The following AAMP variants were observed in gnomAD, a reference collection of about 807,000 sequenced individuals.
AAMP encodes the protein angio associated migratory cell protein.
A neutral mutation model predicts 51.1 loss-of-function variants in AAMP; 12 were observed. That is an observed-to-expected ratio of 0.23 (90% CI 0.15 to 0.38). AAMP has a LOEUF of 0.38. Ranked by LOEUF, AAMP falls within the 10% of genes least tolerant of loss-of-function variation. AAMP has a pLI of 1.00. For synonymous variants in AAMP, 210 were observed against 218.7 expected (o/e 0.96, Z 0.35); for missense variants, 418 against 557.2 (o/e 0.75, Z 2.52).
Position 218,264,539 on chromosome 2 carries a change from G to C in AAMP, c.1299C>G (p.Asp433Glu). Residue 433 changes from aspartate (D) to glutamate (E), a missense_variant, in exon 11 of 11, where the codon GAC becomes GAG. Transcript: ENST00000248450. ...CAGGCAGGGGCTGCAGCCATTAACG[G>C]TCAGGCCTTTGGACACAAAATACTT... ...KAKVFCVQRPDR is the reference protein window; with the variant it reads ...KAKVFCVQRPER 1.2e-6 allele frequency: 2 copies of C among 1,614,052 alleles called. No individual in the cohort carries two copies. Among genetic ancestry groups the C allele is most frequent in the Non-Finnish European group, 1.7e-6 (2 of 1,179,922 alleles).
At chr2:218,264,848 C>T (rs1377138984) in intron 10 of AAMP, among the ~76,000 whole-genome samples, 172 bp downstream of exon 10, 1 of 152,180 alleles carries the variant, frequency 6.6e-6, no homozygotes, top group Non-Finnish European at 1.5e-5. Context: ...GACGTGGGGC[C>T]CCGGAGGGTC....
intron 10 of AAMP, 77 bp downstream of exon 10, chr2:218,264,943 A>G: frequency 6.3e-7 from 1 of 1,593,688 alleles, no homozygotes; most frequent in East Asian, 2.2e-5. Flanking sequence ...CCCACACCCC[A>G]AGGATCCTGT....
chr2:218,266,676 C>A lies in AAMP; in HGVS notation c.535-89G>T. ...ATGAGCTCCACCCAAGGTTTCCTGC[C>A]TCTGGGGTTCCGCGGGGACTTTCCA... is the stretch of plus-strand genomic sequence containing the variant. On this transcript the variant is annotated intron_variant, in intron 4 of 10. Coordinates refer to ENST00000248450, the MANE Select transcript of AAMP (RefSeq NM_001087.5). The surrounding 1 kb of genome is among the most constrained non-coding windows in gnomAD (Gnocchi z 4.7). 1 of 1,560,630 alleles carries A rather than the reference C, an allele frequency of 6.4e-7. No homozygotes were observed. Among genetic ancestry groups the A allele is most frequent in the East Asian group, 2.3e-5 (1 of 44,296 alleles).
Position 218,266,876 on chromosome 2 carries a change from C to A in AAMP, c.505G>T (p.Val169Phe), listed in dbSNP as rs997092266. 8 of 1,614,206 alleles carry A rather than the reference C, an allele frequency of 5.0e-6. No homozygotes were observed. Among genetic ancestry groups the A allele is most frequent in the Non-Finnish European group, 6.8e-6 (8 of 1,180,040 alleles). Residue 169 changes from valine (V) to phenylalanine (F), a missense_variant, in exon 4 of 11, where the codon GTC becomes TTC. Val to Phe is a conservative substitution (Grantham distance 50). Transcript: ENST00000248450. This position sits in a 1 kb window ranked among gnomAD's most constrained non-coding sequence, Gnocchi z 4.7. ...AGGTCTCCCGCTTCAAAGGACCAGA[C>A]CTCCTCCTTAGTGTCCACCTGCCAC... ...KVWQVDTKEE[V>F]WSFEAGDLEW...
At position 218,264,725 on chromosome 2, in the gene AAMP, G is replaced by C. The variant is rs1227836331; in HGVS notation, c.1230-117C>G. The C allele has an allele frequency of 3.2e-6, 3 of 943,304 alleles. No individual in the cohort carries two copies. The African/African-American group carries it at 4.9e-5, about 15-fold the overall frequency. 58.4% of individuals were successfully genotyped at this position (943,304 alleles called of 1,614,324 possible). On this transcript the variant is annotated intron_variant, in intron 10 of 10. Coordinates refer to ENST00000248450, the MANE Select transcript of AAMP (RefSeq NM_001087.5). ...TTCTAGGGCCCTAGTGCCTAGCACTGGGCCGACATCTCTGCAGCCAGCATG... is the reference window on the plus strand; with the variant it reads ...TTCTAGGGCCCTAGTGCCTAGCACTCGGCCGACATCTCTGCAGCCAGCATG...
chr2:218,264,956 C>T, intron 10 of AAMP, 64 bp downstream of exon 10: 1 of 1,603,362 alleles, frequency 6.2e-7, no homozygotes, highest in Non-Finnish European at 8.5e-7. Flanking sequence ...GATCCTGTGT[C>T]CCCTACATAC....
rs1381711177 is a variant in AAMP, at chr2:218,269,853, G to A, written c.121+113C>T. ...GTGGGAGTGGGGGAGGAGGGGAAGA[G>A]GGATATCGGTAGGAATGACCAGTCG... On this transcript the variant is annotated intron_variant, in intron 1 of 10. Transcript: ENST00000248450. The A allele has an allele frequency of 4.7e-6, 7 of 1,494,000 alleles. No homozygotes were observed. In the South Asian group the frequency reaches 8.6e-5, roughly 18 times the overall value. 92.5% of individuals were successfully genotyped at this position (1,494,000 alleles called of 1,614,324 possible). A position where few individuals can be genotyped will look rare whatever the true frequency, so the allele number is the denominator to read the frequency against.
chr2:218,267,034 G>A lies in AAMP; in HGVS notation c.395-48C>T, dbSNP rs1436957550. 2 of 1,603,716 alleles carry A rather than the reference G, an allele frequency of 1.2e-6. No homozygotes were observed. Among genetic ancestry groups the A allele is most frequent in the Non-Finnish European group, 1.7e-6 (2 of 1,172,664 alleles). ...AACAGAGGAAAAAAATAGGGTACCT[G>A]GTGCTGGGGGCATGTGATTCTGGTA... On this transcript the variant is annotated intron_variant, in intron 3 of 10. Coordinates refer to ENST00000248450, the MANE Select transcript of AAMP (RefSeq NM_001087.5). This position sits in a 1 kb window ranked among gnomAD's most constrained non-coding sequence, Gnocchi z 4.6.
chr2:218,270,125 G>A lies in AAMP; in HGVS notation c.-39C>T, dbSNP rs756060466. 48 of 1,609,186 alleles carry A rather than the reference G, an allele frequency of 3.0e-5. No homozygotes were observed. Among genetic ancestry groups the A allele is most frequent in the Non-Finnish European group, 3.9e-5 (46 of 1,177,392 alleles). ...CGGATCCACTTCTCTGGGCCCAAACGCCTCCCAGAGTCAGCTCTGCGCGAC... is the reference window on the plus strand; with the variant it reads ...CGGATCCACTTCTCTGGGCCCAAACACCTCCCAGAGTCAGCTCTGCGCGAC... On this transcript the variant is annotated 5_prime_UTR_variant, in exon 1 of 11. Coordinates refer to ENST00000248450, the MANE Select transcript of AAMP (RefSeq NM_001087.5).
rs764759872 is a variant in AAMP, at chr2:218,269,487, C to T, written c.169G>A (p.Glu57Lys). The T allele has an allele frequency of 1.2e-6, 2 of 1,614,246 alleles. No individual in the cohort carries two copies. Among genetic ancestry groups the T allele is most frequent in the Admixed American group, 1.7e-5 (1 of 60,024 alleles). Residue 57 changes from glutamate (E) to lysine (K), a missense_variant, in exon 2 of 11, where the codon GAG (glutamate) becomes AAG (lysine). By Grantham distance (56) the Glu-to-Lys change is moderately conservative. Coordinates refer to ENST00000248450, the MANE Select transcript of AAMP (RefSeq NM_001087.5). ...MEDVDFEEEE[E>K]EEGNEEGWVL... ...CAGCCCTCTTCGTTGCCCTCTTCCT[C>T]CTCTTCTTCCTCAAAGTCCACATCT...
chr2:218,264,729 C>T (rs968985302), intron 10 of AAMP, 121 bp from the exon 11 acceptor site: 36 of 925,026 alleles, frequency 3.9e-5, no homozygotes, highest in Admixed American at 1.3e-4. Flanking sequence ...AGCACTGGGC[C>T]GACATCTCTG....
chr2:218,265,581 A>T lies in AAMP; in HGVS notation c.981T>A (p.Ser327Arg). The T allele has an allele frequency of 6.2e-7, 1 of 1,613,024 alleles. No individual in the cohort carries two copies. The highest frequency in any genetic ancestry group is 8.5e-7 in the Non-Finnish European group (1 of 1,179,540). Residue 327 changes from serine (S) to arginine (R), a missense_variant and splice_region_variant, in exon 8 of 11, where the codon AGT becomes AGA. Transcript: ENST00000248450. The surrounding 1 kb of genome is among the most constrained non-coding windows in gnomAD (Gnocchi z 6.6). ...SNSVESLGFC[S>R]VMPLAAVGYL... ...CCCCTTTCCCCATCCTCACTCACAC[A>T]CTGCAGAAGCCCAAGGACTCCACCG...
chr2:218,269,392 T>A lies in AAMP; in HGVS notation c.264A>T (p.Ala88=). The change falls in exon 2 of 11, where the codon GCA becomes GCT. Residue 88 remains alanine (A), a synonymous_variant. Transcript: ENST00000248450. ...EGPDDSEVTF[A]LHSASVFCVS... ...GCCTCAAAGACCTACCTGAGTGCAA[T>A]GCAAAGGTGACCTCGCTATCGTCGG... 2 of 1,614,052 alleles carry A rather than the reference T, an allele frequency of 1.2e-6. No homozygotes were observed. The highest frequency in any genetic ancestry group is 1.7e-6 in the Non-Finnish European group (2 of 1,180,036).
intron 1 of AAMP, 141 bp from the exon 2 acceptor site, chr2:218,269,675 G>A: frequency 1.4e-6 from 2 of 1,424,508 alleles, no homozygotes; most frequent in Non-Finnish European, 1.9e-6. Context: ...CCGCGGGGGC[G>A]CGCGGGACAC....
In AAMP at chr2:218,265,064, G is replaced by T; in HGVS notation, c.1185C>A (p.Asp395Glu). ...WDARTGRLLT[D>E]YRGHTAEILD... ...GGATCTCAGCCGTGTGGCCCCGGTA[G>T]TCAGTAAGCAGGCGGCCGGTCCGGG... Residue 395 changes from aspartate (D) to glutamate (E), a missense_variant, in exon 10 of 11, where the codon GAC becomes GAA. Coordinates refer to ENST00000248450, the MANE Select transcript of AAMP (RefSeq NM_001087.5). This position sits in a 1 kb window ranked among gnomAD's most constrained non-coding sequence, Gnocchi z 6.6. 6.2e-7 allele frequency: 1 copy of T among 1,613,870 alleles called. No individual in the cohort carries two copies.
chr2:218,269,763 G>T, intron 1 of AAMP: 1 of 1,004,266 alleles, frequency 1.0e-6, no homozygotes, highest in Non-Finnish European at 1.5e-6. Context: ...GGTGTGTGAG[G>T]GGAAGGGCCA....
At position 218,266,216 on chromosome 2, in the gene AAMP, G is replaced by A. The variant is rs1176367806; in HGVS notation, c.680-69C>T. Reference sequence around the variant, plus strand: ...CATACACTAAGCAAGGGAATGGGGAGAGGGAGAGGAAAGAAGAGTGGAAGG... The same window carrying A: ...CATACACTAAGCAAGGGAATGGGGAAAGGGAGAGGAAAGAAGAGTGGAAGG... On this transcript the variant is annotated intron_variant, in intron 5 of 10. Transcript: ENST00000248450. The surrounding 1 kb of genome is among the most constrained non-coding windows in gnomAD (Gnocchi z 4.7). 2 of 1,473,838 alleles carry A rather than the reference G, an allele frequency of 1.4e-6. No homozygotes were observed. The highest frequency in any genetic ancestry group is 1.7e-5 in the Admixed American group (1 of 59,244). 91.3% of individuals were successfully genotyped at this position (1,473,838 alleles called of 1,614,324 possible).
At chr2:218,264,643 G>A in intron 10 of AAMP, 35 bp from the exon 11 acceptor site, 1 of 1,602,102 alleles carries the variant, frequency 6.2e-7, no homozygotes. Context: ...CAGAGACTGG[G>A]GGACCCAAGC....
rs878941802 is a variant in AAMP, at chr2:218,264,428, C to G, written c.*105G>C. 2.7e-6 allele frequency: 3 copies of G among 1,120,562 alleles called. No individual in the cohort carries two copies. Among genetic ancestry groups the G allele is most frequent in the Non-Finnish European group, 4.1e-6 (3 of 739,902 alleles). 69.4% of individuals were successfully genotyped at this position (1,120,562 alleles called of 1,614,324 possible). Reference sequence around the variant, plus strand: ...GAAGAGGCTGGAAAGTCATCCAGGGCCCCACCCTCCTCTTCCCTCTGTGCC... The same window carrying G: ...GAAGAGGCTGGAAAGTCATCCAGGGGCCCACCCTCCTCTTCCCTCTGTGCC... On this transcript the variant is annotated 3_prime_UTR_variant, in exon 11 of 11. Transcript: ENST00000248450.
Sources: gnomAD v4.1 joint callset for allele counts (sites outside exome capture counted in the v4.1 genomes callset) on GRCh38, gnomAD v4.1.1 for gene constraint, Gnocchi (gnomAD v3.1) non-coding constraint, MANE v1.5 for transcripts, NCBI Gene and HGNC (gene_info 2026-07-23, HGNC 2026-07-21) for gene names.